CADM2: variants seen among roughly 807,000 people sequenced by gnomAD.
CADM2 encodes the protein immunoglobulin superfamily member 4D.
In CADM2, 12 loss-of-function variants were observed where a neutral mutation model predicts 49.8. The ratio of observed to expected loss-of-function variants is 0.24; its 90% CI spans 0.15 to 0.39. CADM2 has a LOEUF of 0.39. Among genes scored for constraint, CADM2 ranks in the 10% least tolerant of loss-of-function variants. The pLI is 1.00. For missense variants in CADM2, 378 were observed against 492.3 expected (o/e 0.77, Z 2.20); for synonymous variants, 214 against 175.4 (o/e 1.22, Z -1.74).
intron 1 of CADM2, among the ~76,000 whole-genome samples, chr3:84,990,110 C>T (rs2032796790): frequency 6.6e-6 from 1 of 151,530 alleles, no homozygotes; most frequent in Non-Finnish European, 1.5e-5. Flanking sequence ...TTTAATAAAA[C>T]ATGAAAGGGT....
intron 1 of CADM2, among the ~76,000 whole-genome samples, chr3:85,089,984 C>A (rs774692509): frequency 3.9e-5 from 6 of 152,006 alleles, no homozygotes; most frequent in Non-Finnish European, 8.8e-5. Flanking sequence ...TGAAATTATT[C>A]AGAATTTCTA....
chr3:85,161,800 T>A (rs557471452), intron 1 of CADM2, among the ~76,000 whole-genome samples: 15 of 152,110 alleles, frequency 9.9e-5, no homozygotes, highest in African/African-American at 3.6e-4. Context: ...GGCGGATCAC[T>A]TGAGGTCAGG....
chr3:86,009,892 T>C (rs1731284049), intron 8 of CADM2, among the ~76,000 whole-genome samples: 1 of 151,884 alleles, frequency 6.6e-6, no homozygotes, highest in Admixed American at 6.6e-5. Flanking sequence ...ACAAATGCAT[T>C]ATGTCATATG....
At chr3:85,604,403 T>G (rs1406899864) in intron 1 of CADM2, among the ~76,000 whole-genome samples, 1 of 151,918 alleles carries the variant, frequency 6.6e-6, no homozygotes. Context: ...TGGGGGTAAT[T>G]CCTAAAGACT....
chr3:85,020,785 GGT>G lies in CADM2; in HGVS notation c.61+61134_61+61135del, dbSNP rs375445421. On this transcript the variant is annotated intron_variant, in intron 1 of 9. Coordinates refer to ENST00000383699, the MANE Select transcript of CADM2 (RefSeq NM_001167675.2). ...GTGTATGGTGTGTGTGTGTGTAGGGGGTGTGTGTGTGTGTGTGTCCCTGTGGA... is the reference window on the plus strand; with the variant it reads ...GTGTATGGTGTGTGTGTGTGTAGGGGGTGTGTGTGTGTGTGTCCCTGTGGA... Among the ~76,000 whole-genome samples the G allele has an allele frequency of 2.4e-3, 353 of 148,812 alleles. 1 individual carries two copies. Among genetic ancestry groups the G allele is most frequent in the Non-Finnish European group, 4.2e-3 (280 of 66,830 alleles).
intron 1 of CADM2, among the ~76,000 whole-genome samples, chr3:85,178,809 A>T (rs1376172564): frequency 1.3e-5 from 2 of 151,796 alleles, no homozygotes; most frequent in Non-Finnish European, 3.0e-5. Context: ...CTCAGGTTTA[A>T]GTAGACTGAG....
At chr3:85,991,197 A>C (rs1404387139) in intron 8 of CADM2, among the ~76,000 whole-genome samples, 1 of 152,170 alleles carries the variant, frequency 6.6e-6, no homozygotes, top group Non-Finnish European at 1.5e-5. Context: ...TTATTTTTGC[A>C]CTATGGCCAT....
intron 8 of CADM2, among the ~76,000 whole-genome samples, chr3:86,027,227 A>C (rs1319236146): frequency 6.6e-6 from 1 of 152,110 alleles, no homozygotes; most frequent in Non-Finnish European, 1.5e-5. Context: ...CCACAGCATT[A>C]GTTTATGCTC....
At chr3:85,146,427 G>A (rs763232036) in intron 1 of CADM2, among the ~76,000 whole-genome samples, 16 of 151,934 alleles carry the variant, frequency 1.1e-4, no homozygotes, top group East Asian at 9.7e-4. Flanking sequence ...AGGTAGAAGC[G>A]ACAAATACAA....
chr3:85,063,558 A>C (rs1418821074), intron 1 of CADM2, among the ~76,000 whole-genome samples: 1 of 152,052 alleles, frequency 6.6e-6, no homozygotes, highest in Non-Finnish European at 1.5e-5. Context: ...AAACTTATAA[A>C]ATTTGAATTG....
chr3:84,973,727 C>T (rs2031623828), intron 1 of CADM2, among the ~76,000 whole-genome samples: 1 of 131,924 alleles, frequency 7.6e-6, no homozygotes, highest in African/African-American at 2.7e-5. Flanking sequence ...GCCGCTGATG[C>T]CTCAGGGAAA....
intron 8 of CADM2, among the ~76,000 whole-genome samples, chr3:86,034,362 T>A (rs1036406587): frequency 1.3e-5 from 2 of 151,986 alleles, no homozygotes; most frequent in Non-Finnish European, 2.9e-5. Context: ...GGTGCCCTCA[T>A]AATAGAATTA....
At chr3:84,986,682 A>C (rs1376677395) in intron 1 of CADM2, among the ~76,000 whole-genome samples, 1 of 151,940 alleles carries the variant, frequency 6.6e-6, no homozygotes, top group Admixed American at 6.6e-5. Context: ...GCAGCACACC[A>C]GCATGGCACA....
intron 5 of CADM2, among the ~76,000 whole-genome samples, chr3:85,892,479 C>T (rs1371358361): frequency 6.6e-6 from 1 of 152,114 alleles, no homozygotes; most frequent in Non-Finnish European, 1.5e-5. Flanking sequence ...GTAATTGAAT[C>T]ATGGGGGTGT....
chr3:86,044,007 T>C (rs898024422), intron 8 of CADM2, among the ~76,000 whole-genome samples: 8 of 152,122 alleles, frequency 5.3e-5, no homozygotes, highest in Non-Finnish European at 1.2e-4. Flanking sequence ...TGGCTAGCCA[T>C]ATGTAGAAAG....
At chr3:85,025,825 A>C (rs1002090114) in intron 1 of CADM2, among the ~76,000 whole-genome samples, 3 of 152,114 alleles carry the variant, frequency 2.0e-5, no homozygotes, top group Non-Finnish European at 2.9e-5. Context: ...AAAAAAAAAA[A>C]CACATTATTT....
At chr3:85,754,077 G>C (rs537795396) in intron 2 of CADM2, among the ~76,000 whole-genome samples, 1 of 152,190 alleles carries the variant, frequency 6.6e-6, no homozygotes, top group Non-Finnish European at 1.5e-5. Flanking sequence ...CACGTGTCGT[G>C]TGTTTACTGG....
At chr3:86,063,960 T>C (rs927734740) in intron 8 of CADM2, among the ~76,000 whole-genome samples, 6 of 152,174 alleles carry the variant, frequency 3.9e-5, no homozygotes, top group African/African-American at 1.4e-4. Context: ...CACTCAGTTT[T>C]ATCCTTCTAT....
At chr3:85,921,041 T>C (rs1378028562) in intron 6 of CADM2, among the ~76,000 whole-genome samples, 4 of 151,878 alleles carry the variant, frequency 2.6e-5, no homozygotes, top group Non-Finnish European at 5.9e-5. Context: ...ATAGTACAGA[T>C]GTTAGTGAAT....
Sources: allele counts gnomAD v4.1 joint callset (sites outside exome capture counted in the v4.1 genomes callset), GRCh38; gene constraint gnomAD v4.1.1; transcripts MANE v1.5; gene names NCBI Gene and HGNC (gene_info 2026-07-23, HGNC 2026-07-21).